The following MAN2A2 variants were observed in gnomAD, a reference collection of about 807,000 sequenced individuals.
The protein encoded by MAN2A2 is mannosidase alpha class 2A member 2, also known as alpha-mannosidase 2x.
In MAN2A2, 79 loss-of-function variants were observed where a neutral mutation model predicts 126.8. The ratio of observed to expected loss-of-function variants is 0.62; its 90% CI spans 0.52 to 0.75. The LOEUF (loss-of-function observed/expected upper bound fraction) is 0.75, where lower values mean the gene tolerates loss of function less well. Among genes scored for constraint, MAN2A2 ranks in the 30% least tolerant of loss-of-function variants. The pLI is 0.00. For missense variants in MAN2A2, 1,392 were observed against 1,522.4 expected (o/e 0.91, Z 1.43); for synonymous variants, 671 against 618.7 (o/e 1.08, Z -1.25).
intron 5 of MAN2A2, 129 bp downstream of exon 5, chr15:90,906,145 A>G: frequency 7.2e-7 from 1 of 1,397,062 alleles, no homozygotes; most frequent in South Asian, 1.3e-5. Context: ...GAGATGAGTG[A>G]TGGTGGAGGG....
At chr15:90,911,940 C>T (rs956496532) in intron 14 of MAN2A2, 103 bp from the exon 15 acceptor site, 16 of 911,122 alleles carry the variant, frequency 1.8e-5, no homozygotes, top group African/African-American at 3.3e-5. Context: ...AGAGGCCCAG[C>T]GGGTGCAGGG....
At chr15:90,906,942 C>T in intron 7 of MAN2A2, 29 bp downstream of exon 7, 1 of 1,610,958 alleles carries the variant, frequency 6.2e-7, no homozygotes, top group African/African-American at 1.3e-5. Context: ...GAGGGGGTTA[C>T]TGCAGCATAG....
At chr15:90,905,190 A>G in intron 2 of MAN2A2, 61 bp from the exon 3 acceptor site, 1 of 1,579,066 alleles carries the variant, frequency 6.3e-7, no homozygotes, top group African/African-American at 1.3e-5. Flanking sequence ...GTAGACCCCA[A>G]GCAGAGACCC....
chr15:90,907,650 G>A (rs960227858), intron 8 of MAN2A2, 155 bp downstream of exon 8: 12 of 673,540 alleles, frequency 1.8e-5, no homozygotes, highest in Non-Finnish European at 2.7e-5. Context: ...AACTGGAATG[G>A]CTCTTGCAAC....
intron 21 of MAN2A2, 116 bp downstream of exon 21, chr15:90,918,504 C>G: frequency 7.6e-7 from 1 of 1,321,144 alleles, no homozygotes; most frequent in Non-Finnish European, 1.1e-6. Context: ...GTATTCGGCT[C>G]CAAACCTCCA....
chr15:90,918,787 A>G, intron 22 of MAN2A2, 32 bp downstream of exon 22: 1 of 1,438,512 alleles, frequency 7.0e-7, no homozygotes, highest in Non-Finnish European at 9.7e-7. Context: ...AGCACCTAGG[A>G]ATGGCAGGCA....
Position 90,912,111 on chromosome 15 carries a change from G to T in MAN2A2, c.2178G>T (p.Gly726=). ...TGCAGCTACAGCTGGGCCTGGATGG[G>T]CACCGCACGCTGCCCTCCTCTGTGC... The part of the protein sequence containing the change: ...GVLQLQLGLD[G]HRTLPSSVRI... Residue 726 remains glycine, a synonymous_variant, in exon 15 of 23, where the codon GGG becomes GGT. Coordinates refer to ENST00000559717, the MANE Select transcript of MAN2A2 (RefSeq NM_006122.4). 1 of 1,613,550 alleles carries T rather than the reference G, an allele frequency of 6.2e-7. No individual in the cohort carries two copies. The highest frequency in any genetic ancestry group is 8.5e-7 in the Non-Finnish European group (1 of 1,179,958).
chr15:90,911,062 C>T (rs915617532), intron 12 of MAN2A2, 101 bp downstream of exon 12: 10 of 1,478,736 alleles, frequency 6.8e-6, no homozygotes, highest in Non-Finnish European at 9.4e-6. Context: ...CCTTCCCCAT[C>T]CGGATGAGTT....
In MAN2A2 at chr15:90,910,570, A is replaced by T. The variant is rs774302712; in HGVS notation, c.1647A>T (p.Pro549=). 1.9e-6 allele frequency: 3 copies of T among 1,614,080 alleles called. No individual in the cohort carries two copies. The highest frequency in any genetic ancestry group is 2.5e-6 in the Non-Finnish European group (3 of 1,180,010). The part of the protein sequence containing the change: ...ARRSGLAGRY[P]LSDFTLLTEA... ...GCTCTGGTCTGGCTGGCCGGTACCC[A>T]CTGTCTGATTTCACCCTCCTGACGG... The change falls in exon 11 of 23, where the codon CCA becomes CCT. Residue 549 remains proline (P), a synonymous_variant. Transcript: ENST00000559717.
At chr15:90,916,080 T>TTGGGGG in intron 19 of MAN2A2, 43 bp from the exon 20 acceptor site, 2 of 1,604,014 alleles carry the variant, frequency 1.2e-6, no homozygotes, top group Non-Finnish European at 1.7e-6. Flanking sequence ...CAGTGCCTGC[T>TTGGGGG]TGGGGGTGGG....
intron 20 of MAN2A2, chr15:90,916,492 C>T: frequency 7.8e-7 from 1 of 1,278,272 alleles, no homozygotes; most frequent in South Asian, 1.3e-5. Context: ...TCGTCTCCCA[C>T]TTTCCTCTGT....
rs1596176948 is a variant in MAN2A2, at chr15:90,916,471, G to A, written c.2994+215G>A. Reference sequence around the variant, plus strand: ...CTCCCAGCAGCGCTCTGTCACCTGTGCCCCTCATGTTCGTCTCCCACTTTC... The same window carrying A: ...CTCCCAGCAGCGCTCTGTCACCTGTACCCCTCATGTTCGTCTCCCACTTTC... On this transcript the variant is annotated intron_variant, in intron 20 of 22. Transcript: ENST00000559717. The A allele has an allele frequency of 1.4e-5, 16 of 1,135,410 alleles. No individual in the cohort carries two copies. The East Asian group carries it at 3.5e-4, about 24-fold the overall frequency. The allele number at this position is 1,135,410 out of a possible 1,614,324, so 70.3% of individuals were successfully genotyped here. A position where few individuals can be genotyped will look rare whatever the true frequency, so the allele number is the denominator to read the frequency against.
intron 8 of MAN2A2, among the ~76,000 whole-genome samples, chr15:90,908,220 G>T (rs1451247263): frequency 6.6e-6 from 1 of 152,208 alleles, no homozygotes; most frequent in Non-Finnish European, 1.5e-5. Flanking sequence ...GGCTGGCCTA[G>T]GTTTACAAGA....
At chr15:90,917,658 C>G (rs2035289691) in intron 20 of MAN2A2, 1 of 153,200 alleles carries the variant, frequency 6.5e-6, no homozygotes, top group Non-Finnish European at 1.5e-5. Flanking sequence ...ATGCCAGGGA[C>G]AGAAGTCCAG....
At position 90,916,274 on chromosome 15, in the gene MAN2A2, C is replaced by T. The variant is rs779683739; in HGVS notation, c.2994+18C>T. Reference sequence around the variant, plus strand: ...GCAGTGAGGTAACATCTGGGGCTGACGCCCAGGGAGCCAGGTCTGGCTAGT... The same window carrying T: ...GCAGTGAGGTAACATCTGGGGCTGATGCCCAGGGAGCCAGGTCTGGCTAGT... On this transcript the variant is annotated intron_variant, in intron 20 of 22. Coordinates refer to ENST00000559717, the MANE Select transcript of MAN2A2 (RefSeq NM_006122.4). 1.7e-5 allele frequency: 28 copies of T among 1,610,652 alleles called. No homozygotes were observed. Among genetic ancestry groups the T allele is most frequent in the African/African-American group, 5.3e-5 (4 of 74,840 alleles).
intron 20 of MAN2A2, chr15:90,916,541 T>A (rs770895133): frequency 2.1e-6 from 3 of 1,413,902 alleles, no homozygotes; most frequent in Non-Finnish European, 1.9e-6. Context: ...TCTCTAAGCC[T>A]GTGCTCCAAC....
In MAN2A2 at chr15:90,916,219, T is replaced by C; in HGVS notation, c.2957T>C (p.Phe986Ser). Residue 986 changes from phenylalanine (F) to serine (S), a missense_variant, in exon 20 of 23, where the codon TTC (phenylalanine) becomes TCC (serine). Phe to Ser is a radical substitution (Grantham distance 155, BLOSUM62 -2). Coordinates refer to ENST00000559717, the MANE Select transcript of MAN2A2 (RefSeq NM_006122.4). The part of the protein sequence containing the change: ...LKDNKRTCNR[F>S]RLLLERRTVG... The stretch of plus-strand genomic sequence containing the variant: ...GACAACAAGAGAACCTGCAACCGTT[T>C]CCGCCTCCTGCTAGAGCGGCGAACC... 1.2e-6 allele frequency: 2 copies of C among 1,614,128 alleles called. No individual in the cohort carries two copies. Among genetic ancestry groups the C allele is most frequent in the Non-Finnish European group, 1.7e-6 (2 of 1,180,006 alleles).
chr15:90,909,624 G>A (rs1157672451), intron 9 of MAN2A2, 120 bp downstream of exon 9: 6 of 926,312 alleles, frequency 6.5e-6, no homozygotes, highest in Non-Finnish European at 9.2e-6. Context: ...TTTTTTTTGA[G>A]ATGGAGTCTC....
intron 20 of MAN2A2, chr15:90,916,806 A>G (rs2035223334): frequency 2.5e-5 from 13 of 528,550 alleles, no homozygotes; most frequent in South Asian, 2.3e-4. Context: ...GAGGGACATA[A>G]GTGCAGACAG....
Sources: gnomAD v4.1 joint callset for allele counts (sites outside exome capture counted in the v4.1 genomes callset) on GRCh38, gnomAD v4.1.1 for gene constraint, MANE v1.5 for transcripts, NCBI Gene and HGNC (gene_info 2026-07-23, HGNC 2026-07-21) for gene names.